Variants in AGBL4 observed in about 807,000 individuals in gnomAD.
AGBL4 encodes the protein cytosolic carboxypeptidase 6.
AGBL4 carries 58 observed loss-of-function variants against 66.4 expected under a neutral mutation model. The ratio of observed to expected loss-of-function variants is 0.87; its 90% CI spans 0.71 to 1.09. AGBL4 has a LOEUF of 1.09. Among genes scored for constraint, AGBL4 ranks in the 50% least tolerant of loss-of-function variants. AGBL4 has a pLI of 0.00. For synonymous variants in AGBL4, 234 were observed against 222.9 expected (o/e 1.05, Z -0.44); for missense variants, 579 against 631.0 (o/e 0.92, Z 0.88).
In AGBL4 at chr1:49,738,448, C is replaced by T. The variant is rs576003519; in HGVS notation, c.158-41011G>A. 5.3e-5 allele frequency among the ~76,000 whole-genome samples: 8 copies of T among 152,312 alleles called. No homozygotes were observed. The South Asian group carries it at 1.2e-3, about 24-fold the overall frequency. ...GGAGCCCACCGCAGCTCAAGGAGGC[C>T]TCCCTGCCTCTGTAGACTACACCTC... On this transcript the variant is annotated intron_variant, in intron 2 of 13. Coordinates refer to ENST00000371839, the MANE Select transcript of AGBL4 (RefSeq NM_032785.4).
intron 1 of AGBL4, among the ~76,000 whole-genome samples, chr1:49,872,374 A>G (rs1392365673): frequency 6.6e-6 from 1 of 152,106 alleles, no homozygotes; most frequent in Non-Finnish European, 1.5e-5. Context: ...TTATTTTACC[A>G]AGATTTTGAC....
At chr1:49,752,002 T>C (rs1651513306) in intron 2 of AGBL4, among the ~76,000 whole-genome samples, 2 of 151,372 alleles carry the variant, frequency 1.3e-5, no homozygotes, top group South Asian at 4.2e-4. Context: ...GTGGTCTATT[T>C]TATTAATCTT....
rs567287360 is a variant in AGBL4, at chr1:48,752,541, T to C, written c.635-89300A>G. 9.2e-5 allele frequency among the ~76,000 whole-genome samples: 14 copies of C among 152,322 alleles called. No homozygotes were observed. In the South Asian group the frequency reaches 2.5e-3, roughly 27 times the overall value. On this transcript the variant is annotated intron_variant, in intron 6 of 13. Coordinates refer to ENST00000371839, the MANE Select transcript of AGBL4 (RefSeq NM_032785.4). ...CTTACAAGGGGAAACAGGAAATCTC[T>C]AGGTGTCATCCAGGGTTGACCAAAG...
At chr1:49,848,623 A>G (rs1646219585) in intron 2 of AGBL4, among the ~76,000 whole-genome samples, 2 of 152,234 alleles carry the variant, frequency 1.3e-5, no homozygotes, top group African/African-American at 4.8e-5. Context: ...GTATACATAT[A>G]GAACGTGGAA....
At chr1:49,622,000 T>A (rs1645369670) in intron 3 of AGBL4, among the ~76,000 whole-genome samples, 1 of 152,220 alleles carries the variant, frequency 6.6e-6, no homozygotes, top group South Asian at 2.1e-4. Flanking sequence ...ACTCAAGAAA[T>A]GCCACTAATG....
intron 3 of AGBL4, among the ~76,000 whole-genome samples, chr1:49,549,411 C>T (rs540764929): frequency 3.3e-5 from 5 of 151,944 alleles, no homozygotes; most frequent in East Asian, 3.9e-4. Context: ...TTGATGTAGG[C>T]GTTGAGGGCT....
At chr1:49,025,238 G>A (rs1387512888) in intron 5 of AGBL4, among the ~76,000 whole-genome samples, 2 of 152,292 alleles carry the variant, frequency 1.3e-5, no homozygotes, top group African/African-American at 2.4e-5. Flanking sequence ...AGTGGACAGA[G>A]GCTAATCTAG....
chr1:48,723,053 A>G (rs1328161679), intron 6 of AGBL4, among the ~76,000 whole-genome samples: 6 of 152,244 alleles, frequency 3.9e-5, no homozygotes, highest in Non-Finnish European at 8.8e-5. Flanking sequence ...TGGAAGAAAC[A>G]GGATTTGAAC....
At chr1:49,049,057 T>G (rs1571322977) in intron 4 of AGBL4, among the ~76,000 whole-genome samples, 2 of 152,188 alleles carry the variant, frequency 1.3e-5, no homozygotes, top group African/African-American at 4.8e-5. Context: ...CAAGGCTTCC[T>G]GTGATGGCCT....
chr1:48,998,110 T>A (rs754419638), intron 5 of AGBL4, among the ~76,000 whole-genome samples: 1 of 152,206 alleles, frequency 6.6e-6, no homozygotes, highest in African/African-American at 2.4e-5. Flanking sequence ...ATTGGCATTT[T>A]AAAAAATGCA....
chr1:49,470,506 A>T (rs1414179483), intron 3 of AGBL4, among the ~76,000 whole-genome samples: 1 of 151,990 alleles, frequency 6.6e-6, no homozygotes, highest in African/African-American at 2.4e-5. Context: ...TCATTACCAA[A>T]TAGGTTATGT....
intron 1 of AGBL4, among the ~76,000 whole-genome samples, chr1:49,885,474 TG>T (rs1202749860): frequency 6.6e-6 from 1 of 151,976 alleles, no homozygotes; most frequent in East Asian, 1.9e-4. Flanking sequence ...CAAGATATAC[TG>T]CAATAACTCA....
chr1:49,907,408 T>A (rs1650380786), intron 1 of AGBL4, among the ~76,000 whole-genome samples: 2 of 152,174 alleles, frequency 1.3e-5, no homozygotes, highest in Admixed American at 6.5e-5. Flanking sequence ...GTTATTCCTT[T>A]ATACTTCATT....
intron 5 of AGBL4, among the ~76,000 whole-genome samples, chr1:49,007,424 G>A (rs2148999501): frequency 6.6e-6 from 1 of 150,546 alleles, no homozygotes; most frequent in Non-Finnish European, 1.5e-5. Context: ...AAGTGACGGG[G>A]AGAATGGAAC....
chr1:48,764,850 C>T (rs1380420788), intron 6 of AGBL4, among the ~76,000 whole-genome samples: 3 of 152,202 alleles, frequency 2.0e-5, no homozygotes, highest in Non-Finnish European at 2.9e-5. Context: ...CAGCGGATGA[C>T]AGAGCTCAGC....
chr1:49,942,670 A>G (rs187083450), intron 1 of AGBL4, among the ~76,000 whole-genome samples: 54 of 152,342 alleles, frequency 3.5e-4, no homozygotes, highest in Admixed American at 2.5e-3. Flanking sequence ...CCATACGTAC[A>G]CAAAAATCAA....
chr1:49,718,440 A>C (rs1189151351), intron 2 of AGBL4, among the ~76,000 whole-genome samples: 1 of 152,116 alleles, frequency 6.6e-6, no homozygotes, highest in East Asian at 1.9e-4. Flanking sequence ...TCTTTTCTTC[A>C]TAAATTGCCC....
At chr1:49,167,178 A>G (rs760138885) in intron 4 of AGBL4, among the ~76,000 whole-genome samples, 7 of 152,194 alleles carry the variant, frequency 4.6e-5, no homozygotes, top group Non-Finnish European at 1.0e-4. Flanking sequence ...TAACAAGATA[A>G]TCAATACCTT....
In AGBL4 at chr1:48,644,865, G is replaced by A. The variant is rs377456323; in HGVS notation, c.839+8472C>T. ...TGGCACTATTCAAGCAGTGGTTTAGGAACTAGGACCAGAAATGGTGAAGTT... is the reference window on the plus strand; with the variant it reads ...TGGCACTATTCAAGCAGTGGTTTAGAAACTAGGACCAGAAATGGTGAAGTT... On this transcript the variant is annotated intron_variant, in intron 8 of 13. Coordinates refer to ENST00000371839, the MANE Select transcript of AGBL4 (RefSeq NM_032785.4). Among the ~76,000 whole-genome samples, 8 of 152,328 alleles carry A rather than the reference G, an allele frequency of 5.3e-5. No individual in the cohort carries two copies. In the East Asian group the frequency reaches 1.5e-3, roughly 29 times the overall value.
Sources: allele counts gnomAD v4.1 joint callset (sites outside exome capture counted in the v4.1 genomes callset), GRCh38; gene constraint gnomAD v4.1.1; transcripts MANE v1.5; gene names NCBI Gene and HGNC (gene_info 2026-07-23, HGNC 2026-07-21).